Variants in GNPTAB observed in about 807,000 individuals in gnomAD.
The protein encoded by GNPTAB is N-acetylglucosamine-1-phosphotransferase subunits alpha/beta.
GNPTAB carries 92 observed loss-of-function variants against 136.6 expected under a neutral mutation model. The observed-to-expected ratio is 0.67, with a 90% CI of 0.57 to 0.80. The LOEUF is 0.80. Among genes scored for constraint, GNPTAB ranks in the 30% least tolerant of loss-of-function variants. The probability of loss-of-function intolerance (pLI) is 0.00; values close to 1 mark genes in which losing one functional copy is unlikely to be tolerated. For missense variants in GNPTAB, 1,343 were observed against 1,501.8 expected, an observed-to-expected ratio of 0.89 and a Z score of 1.75; for synonymous variants, 512 against 535.1, an observed-to-expected ratio of 0.96 and a Z score of 0.60.
At position 101,764,838 on chromosome 12, in the gene GNPTAB, C is replaced by T. The variant is rs749752527; in HGVS notation, c.2079G>A (p.Val693=). ...GTGAAATATTTACCAGGGGAATTTT[C>T]ACCTCTTCCTGGGCTCTCCTTGTTG... ...VNSTRRAQEE[V]KIPLVNISLL... is the part of the protein sequence containing the mutation. The change falls in exon 13 of 21, where the codon GTG becomes GTA. Residue 693 remains valine (V), a synonymous_variant. Transcript: ENST00000299314. The T allele has an allele frequency of 6.2e-7, 1 of 1,614,162 alleles. No homozygotes were observed. Among genetic ancestry groups the T allele is most frequent in the East Asian group, 2.2e-5 (1 of 44,878 alleles).
chr12:101,806,853 G>GA (rs955242798), intron 1 of GNPTAB, among the ~76,000 whole-genome samples: 43 of 147,606 alleles, frequency 2.9e-4, no homozygotes, highest in East Asian at 9.8e-4. Flanking sequence ...AACACTTAAG[G>GA]AAAAAAAAAA....
In GNPTAB at chr12:101,788,210, T is replaced by C. The variant is rs1868778454; in HGVS notation, c.365+338A>G. On this transcript the variant is annotated intron_variant, in intron 4 of 20. Transcript: ENST00000299314. ...ATATATTGAACCTATAAGTAAATGA[T>C]GGACATAAATTTTATAAATGAAAAT... is the stretch of plus-strand genomic sequence containing the variant. Among the ~76,000 whole-genome samples the C allele has an allele frequency of 2.6e-5, 4 of 152,164 alleles. 1 individual carries two copies. In the South Asian group the frequency reaches 8.3e-4, roughly 32 times the overall value.
At chr12:101,829,355 C>T (rs900399000) in intron 1 of GNPTAB, among the ~76,000 whole-genome samples, 1 of 151,972 alleles carries the variant, frequency 6.6e-6, no homozygotes, top group Non-Finnish European at 1.5e-5. Context: ...CATGGTGGTA[C>T]GCGCCTGTAG....
intron 3 of GNPTAB, 38 bp downstream of exon 3, chr12:101,789,900 C>T (rs780001470): frequency 6.3e-7 from 1 of 1,598,280 alleles, no homozygotes; most frequent in Non-Finnish European, 8.6e-7. Flanking sequence ...TACATCGCCA[C>T]ATTACCCATC....
At chr12:101,784,978 G>A (rs1868551334) in intron 5 of GNPTAB, among the ~76,000 whole-genome samples, 1 of 152,198 alleles carries the variant, frequency 6.6e-6, no homozygotes, top group Non-Finnish European at 1.5e-5. Flanking sequence ...GGGAGAATGG[G>A]ATCTCTAAGG....
At chr12:101,802,192 T>C (rs1331793372) in intron 1 of GNPTAB, among the ~76,000 whole-genome samples, 1 of 126,116 alleles carries the variant, frequency 7.9e-6, no homozygotes, top group Non-Finnish European at 1.6e-5. Context: ...AGCAAGACCC[T>C]GTCTCTTAAA....
chr12:101,786,147 G>A lies in GNPTAB; in HGVS notation c.436C>T (p.Pro146Ser), dbSNP rs1040968002. 1 of 1,614,008 alleles carries A rather than the reference G, an allele frequency of 6.2e-7. No individual in the cohort carries two copies. The highest frequency in any genetic ancestry group is 8.5e-7 in the Non-Finnish European group (1 of 1,179,946). The part of the protein sequence containing the change: ...VPMLVLDPAL[P>S]ANITLKDLPS... ...AGGTCCTTCAGGGTGATGTTGGCTG[G>A]CAGGGCTGGGTCCAGGACAAGCATT... Residue 146 changes from proline to serine, a missense_variant, in exon 5 of 21, where the codon CCA becomes TCA. Pro to Ser is a moderately conservative substitution (Grantham distance 74, BLOSUM62 -1). Transcript: ENST00000299314.
At chr12:101,766,651 A>C (rs1594216153) in intron 11 of GNPTAB, among the ~76,000 whole-genome samples, 1 of 152,282 alleles carries the variant, frequency 6.6e-6, no homozygotes, top group African/African-American at 2.4e-5. Flanking sequence ...AAAACAAAAA[A>C]CGAAAAAGAC....
At position 101,753,542 on chromosome 12, in the gene GNPTAB, G is replaced by A. The variant is rs748763888; in HGVS notation, c.3435-3C>T. 1.9e-6 allele frequency: 3 copies of A among 1,611,788 alleles called. No individual in the cohort carries two copies. The highest frequency in any genetic ancestry group is 2.5e-6 in the Non-Finnish European group (3 of 1,178,506). Reference sequence around the variant, plus strand: ...TGTCATTCAGGCAAACAAACTTCCTGAAATAACAGAGAGCCAGGGTTATTA... The same window carrying A: ...TGTCATTCAGGCAAACAAACTTCCTAAAATAACAGAGAGCCAGGGTTATTA... On this transcript the variant is annotated splice_polypyrimidine_tract_variant and splice_region_variant and intron_variant, in intron 18 of 20. Coordinates refer to ENST00000299314, the MANE Select transcript of GNPTAB (RefSeq NM_024312.5).
intron 1 of GNPTAB, among the ~76,000 whole-genome samples, chr12:101,797,007 G>T (rs1594243104): frequency 6.6e-6 from 1 of 152,098 alleles, no homozygotes; most frequent in East Asian, 1.9e-4. Flanking sequence ...AATCAAAGAG[G>T]TTTAAAAGGA....
chr12:101,811,554 T>C (rs1243921274), intron 1 of GNPTAB, among the ~76,000 whole-genome samples: 2 of 151,732 alleles, frequency 1.3e-5, no homozygotes, highest in Non-Finnish European at 2.9e-5. Context: ...CTTACAATCA[T>C]GGCAGAAGGC....
intron 13 of GNPTAB, 142 bp downstream of exon 13, chr12:101,764,055 GTAAAT>G (rs1176462694): frequency 2.9e-6 from 3 of 1,028,674 alleles, no homozygotes; most frequent in Admixed American, 2.4e-5. Flanking sequence ...GGGTTATTGG[GTAAAT>G]TAAATGAAAC....
rs1307274585 is a variant in GNPTAB, at chr12:101,796,817, CTTTCA to C, written c.118-60_118-56del. On this transcript the variant is annotated intron_variant, in intron 1 of 20. Transcript: ENST00000299314. Reference sequence around the variant, plus strand: ...CGCATCAAAGACTAAGAGTATATAACTTTCATTTCATTTTAATTTCATTAGAATTG... The same window carrying C: ...CGCATCAAAGACTAAGAGTATATAACTTTCATTTTAATTTCATTAGAATTG... 35 of 1,146,528 alleles carry C rather than the reference CTTTCA, an allele frequency of 3.1e-5. No individual in the cohort carries two copies. The South Asian group carries it at 4.2e-4, about 14-fold the overall frequency. The allele number at this position is 1,146,528 out of a possible 1,614,324, so 71.0% of individuals were successfully genotyped here. A position where few individuals can be genotyped will look rare whatever the true frequency, so the allele number is the denominator to read the frequency against.
intron 1 of GNPTAB, among the ~76,000 whole-genome samples, chr12:101,797,543 G>A (rs1869369921): frequency 6.6e-6 from 1 of 152,144 alleles, no homozygotes; most frequent in African/African-American, 2.4e-5. Flanking sequence ...AGAATTGCTT[G>A]AACCTGGGAG....
At chr12:101,810,081 T>C (rs1447520409) in intron 1 of GNPTAB, among the ~76,000 whole-genome samples, 1 of 150,072 alleles carries the variant, frequency 6.7e-6, no homozygotes, top group Admixed American at 6.6e-5. Context: ...GAGTTCAATA[T>C]AGTGAGACCC....
chr12:101,775,899 TGCA>T (rs1953256662), intron 7 of GNPTAB, among the ~76,000 whole-genome samples: 1 of 152,220 alleles, frequency 6.6e-6, no homozygotes, highest in African/African-American at 2.4e-5. Flanking sequence ...GCAGAGTCCA[TGCA>T]GGACAATATG....
At chr12:101,825,763 G>A (rs960585787) in intron 1 of GNPTAB, among the ~76,000 whole-genome samples, 3 of 152,198 alleles carry the variant, frequency 2.0e-5, no homozygotes, top group African/African-American at 7.2e-5. Context: ...AAGCTAAAAT[G>A]AGGCTCTTAG....
chr12:101,823,436 C>T (rs377004590), intron 1 of GNPTAB, among the ~76,000 whole-genome samples: 1 of 151,854 alleles, frequency 6.6e-6, no homozygotes, highest in East Asian at 1.9e-4. Context: ...ATGGTGTAAC[C>T]CCGTCTCTAC....
chr12:101,770,995 C>T lies in GNPTAB; in HGVS notation c.933+1G>A, dbSNP rs1327876395. ...TGTAAAAGCTTCTGTGCATCCCTTACCTGGCTGATGGCGCTCAGATCCCAT... is the reference window on the plus strand; with the variant it reads ...TGTAAAAGCTTCTGTGCATCCCTTATCTGGCTGATGGCGCTCAGATCCCAT... On this transcript the variant is annotated splice_donor_variant, in intron 8 of 20. Coordinates refer to ENST00000299314, the MANE Select transcript of GNPTAB (RefSeq NM_024312.5). LOFTEE classifies it high-confidence loss of function. 1 of 1,613,852 alleles carries T rather than the reference C, an allele frequency of 6.2e-7. No homozygotes were observed. The highest frequency in any genetic ancestry group is 1.7e-5 in the Admixed American group (1 of 59,998).
Sources: gnomAD v4.1 joint callset for allele counts (sites outside exome capture counted in the v4.1 genomes callset) on GRCh38, gnomAD v4.1.1 for gene constraint, MANE v1.5 for transcripts, NCBI Gene and HGNC (gene_info 2026-07-23, HGNC 2026-07-21) for gene names.